The following TNFRSF4 variants were observed in gnomAD, a reference collection of about 807,000 sequenced individuals.
TNFRSF4 encodes tumor necrosis factor receptor superfamily member 4.
In TNFRSF4, 21 loss-of-function variants were observed where a neutral mutation model predicts 29.5. That is an observed-to-expected ratio of 0.71 (90% CI 0.51 to 1.03). TNFRSF4 has a LOEUF of 1.03. Among genes scored for constraint, TNFRSF4 ranks in the 50% least tolerant of loss-of-function variants. TNFRSF4 has a pLI of 0.00. For synonymous variants in TNFRSF4, 197 were observed against 172.7 expected (o/e 1.14, Z -1.10); for missense variants, 408 against 387.8 (o/e 1.05, Z -0.44).
chr1:1,213,831 C>A (rs755063382), intron 1 of TNFRSF4, 46 bp from the exon 2 acceptor site: 4 of 1,546,154 alleles, frequency 2.6e-6, no homozygotes, highest in South Asian at 1.2e-5. Context: ...CCCAGGCTTG[C>A]GCCCGTGGAC....
rs774777119 is a variant in TNFRSF4 at position 1,212,066 on chromosome 1, GT to G, written c.509del (p.Asp170AlafsTer?). The G allele has an allele frequency of 7.9e-5, 127 of 1,612,230 alleles. No individual in the cohort carries two copies. Among genetic ancestry groups the G allele is most frequent in the Non-Finnish European group, 1.0e-4 (121 of 1,179,636 alleles). On this transcript the variant is annotated frameshift_variant, in exon 5 of 7. Transcript: ENST00000379236. LOFTEE classifies it high-confidence loss of function. ...TCTCCTGGGGCTGCGTGGCTGGGGG[GT>G]CCCTGTCCTCACAGATTGCGTCCGA... ...NSSDAICEDR[D>X]PPATQPQETQ... is the part of the protein sequence containing the mutation.
At chr1:1,213,843 C>CCCCCAGG in intron 1 of TNFRSF4, 58 bp from the exon 2 acceptor site, 1 of 1,519,770 alleles carries the variant, frequency 6.6e-7, no homozygotes, top group East Asian at 2.4e-5. Context: ...CCCGTGGACC[C>CCCCCAGG]CCCCAGGCGG....
At chr1:1,213,256 C>G in intron 2 of TNFRSF4, 163 bp from the exon 3 acceptor site, 1 of 1,533,118 alleles carries the variant, frequency 6.5e-7, no homozygotes, top group Non-Finnish European at 8.7e-7. Flanking sequence ...GCCCCCGAGG[C>G]TCCTGGGCCC....
chr1:1,213,691 C>T lies in TNFRSF4; in HGVS notation c.240G>A (p.Pro80=), dbSNP rs751917443. ...GFYNDVVSSK[P]CKPCTWCNLR... ...GGTTACACCACGTGCAGGGCTTGCA[C>T]GGCTTGGAGCTGACCACGTCGTTGT... The change falls in exon 2 of 7, where the codon CCG becomes CCA. Residue 80 remains proline, a synonymous_variant. Transcript: ENST00000379236. 57 of 1,595,562 alleles carry T rather than the reference C, an allele frequency of 3.6e-5. No individual in the cohort carries two copies. The highest frequency in any genetic ancestry group is 2.3e-4 in the East Asian group (10 of 43,992).
chr1:1,213,648 C>T lies in TNFRSF4; in HGVS notation c.268+15G>A, dbSNP rs1649312306. On this transcript the variant is annotated intron_variant, in intron 2 of 6. Transcript: ENST00000379236. The stretch of plus-strand genomic sequence containing the variant: ...CCTGTGCTGGGTGGGGCTGTGGGGC[C>T]AGGTGGGAGCTCACTGAGGTTACAC... The T allele has an allele frequency of 1.3e-6, 2 of 1,577,122 alleles. No homozygotes were observed. The highest frequency in any genetic ancestry group is 1.8e-5 in the Admixed American group (1 of 54,748).
In TNFRSF4 at chr1:1,211,627, T is replaced by G; in HGVS notation, c.764-2A>C. 6.4e-7 allele frequency: 1 copy of G among 1,554,424 alleles called. No individual in the cohort carries two copies. Among genetic ancestry groups the G allele is most frequent in the Non-Finnish European group, 8.7e-7 (1 of 1,152,350 alleles). ...TGGGGGTCCGGAAACTGCCTCCCCC[T>G]GGGGAGGAAAAAAGGAGAGATTGGT... On this transcript the variant is annotated splice_acceptor_variant, in intron 6 of 6. Coordinates refer to ENST00000379236, the MANE Select transcript of TNFRSF4 (RefSeq NM_003327.4). LOFTEE classifies it high-confidence loss of function.
Position 1,212,011 on chromosome 1 carries a change from CA to C in TNFRSF4, c.564del (p.Val189SerfsTer?). The C allele has an allele frequency of 6.2e-7, 1 of 1,609,618 alleles. No homozygotes were observed. On this transcript the variant is annotated frameshift_variant, in exon 5 of 7. Coordinates refer to ENST00000379236, the MANE Select transcript of TNFRSF4 (RefSeq NM_003327.4). LOFTEE classifies it high-confidence loss of function. ...CTGGGCCAGGCTTCAGTGGGCTGGA[CA>C]GTGATGGGCCTGGCCGGGGGGCCCT... Reference protein sequence around the residue: ...ETQGPPARPITVQPTEAWPRT... With the variant: ...ETQGPPARPIXVQPTEAWPRT...
In TNFRSF4 at chr1:1,211,870, G is replaced by A. The variant is rs113490562; in HGVS notation, c.635-38C>T. 31 of 1,512,758 alleles carry A rather than the reference G, an allele frequency of 2.0e-5. No homozygotes were observed. In the African/African-American group the frequency reaches 2.2e-4, roughly 11 times the overall value. 93.7% of individuals were successfully genotyped at this position (1,512,758 alleles called of 1,614,324 possible). On this transcript the variant is annotated intron_variant, in intron 5 of 6. Coordinates refer to ENST00000379236, the MANE Select transcript of TNFRSF4 (RefSeq NM_003327.4). ...GTCTGCTGGGTGGGGTCCACAGGAG[G>A]GGCCCCCATGCCGCCCTCCCCTTCT...
At chr1:1,212,543 G>GGCCCC (rs2100952145) in intron 4 of TNFRSF4, 95 bp downstream of exon 4, 3 of 133,092 alleles carry the variant, frequency 2.3e-5, no homozygotes, top group Non-Finnish European at 3.9e-5. Context: ...CACCCCACCT[G>GGCCCC]CCCCCCCAGC....
chr1:1,213,366 G>A (rs772962091), intron 2 of TNFRSF4: 46 of 1,530,966 alleles, frequency 3.0e-5, no homozygotes, highest in Non-Finnish European at 7.9e-6. Flanking sequence ...CTGCGGCAGG[G>A]TCTCCATGGC....
At chr1:1,213,638 G>T (rs1395588815) in intron 2 of TNFRSF4, 25 bp downstream of exon 2, 2 of 1,567,694 alleles carry the variant, frequency 1.3e-6, no homozygotes, top group Admixed American at 1.9e-5. Context: ...GCTGGGTGGG[G>T]CTGTGGGGCC....
intron 4 of TNFRSF4, 61 bp downstream of exon 4, chr1:1,212,564 TCCCCAGCTCCTCC>T: frequency 5.1e-6 from 1 of 194,990 alleles, no homozygotes; most frequent in African/African-American, 1.2e-4. Flanking sequence ...CCCTCCCAGC[TCCCCAGCTCCTCC>T]GCCCTCCTAA....
At chr1:1,213,847 C>A (rs890007937) in intron 1 of TNFRSF4, 62 bp from the exon 2 acceptor site, 2 of 1,514,910 alleles carry the variant, frequency 1.3e-6, no homozygotes, top group East Asian at 2.4e-5. Context: ...TGGACCCCCC[C>A]AGGCGGCTCC....
intron 3 of TNFRSF4, 79 bp downstream of exon 3, chr1:1,212,913 C>T: frequency 2.8e-6 from 4 of 1,449,592 alleles, no homozygotes; most frequent in Non-Finnish European, 3.7e-6. Context: ...GGGCCAGGTC[C>T]CTGCGGCCCA....
chr1:1,212,623 G>A lies in TNFRSF4; in HGVS notation c.437+15C>T. ...CCCCCCCCAGCCCCTCCCAGCCCCT[G>A]GCCAGGCCCCTCACTTGGTCCAGGG... On this transcript the variant is annotated intron_variant, in intron 4 of 6. Coordinates refer to ENST00000379236, the MANE Select transcript of TNFRSF4 (RefSeq NM_003327.4). 7.1e-7 allele frequency: 1 copy of A among 1,405,846 alleles called. No individual in the cohort carries two copies. Among genetic ancestry groups the A allele is most frequent in the Non-Finnish European group, 9.4e-7 (1 of 1,059,970 alleles). The allele number at this position is 1,405,846 out of a possible 1,614,324, so 87.1% of individuals were successfully genotyped here.
chr1:1,212,594 C>T (rs1649206786), intron 4 of TNFRSF4, 44 bp downstream of exon 4: 3 of 1,119,058 alleles, frequency 2.7e-6, no homozygotes, highest in Non-Finnish European at 3.6e-6. Context: ...CTAACCACCC[C>T]AACCCCCCCC....
intron 4 of TNFRSF4, 42 bp downstream of exon 4, chr1:1,212,596 A>AAC: frequency 1.1e-4 from 89 of 845,228 alleles, no homozygotes; most frequent in Non-Finnish European, 1.3e-4. Flanking sequence ...AACCACCCCA[A>AAC]CCCCCCCCCA....
In TNFRSF4 at chr1:1,212,684, C is replaced by T. The variant is rs771330950; in HGVS notation, c.391G>A (p.Gly131Arg). 1 of 1,572,698 alleles carries T rather than the reference C, an allele frequency of 6.4e-7. No individual in the cohort carries two copies. Among genetic ancestry groups the T allele is most frequent in the Admixed American group, 1.8e-5 (1 of 55,478 alleles). ...PGVDCAPCPP[G>R]HFSPGDNQAC... Reference sequence around the variant, plus strand: ...TGGTTGTCGCCTGGGGAGAAGTGCCCTGGAGGGCAGGGGGCACAGTCTGCA... The same window carrying T: ...TGGTTGTCGCCTGGGGAGAAGTGCCTTGGAGGGCAGGGGGCACAGTCTGCA... Residue 131 changes from glycine to arginine, a missense_variant, in exon 4 of 7, where the codon GGG becomes AGG. By Grantham distance (125) the Gly-to-Arg change is moderately radical. Coordinates refer to ENST00000379236, the MANE Select transcript of TNFRSF4 (RefSeq NM_003327.4).
chr1:1,213,946 G>C (rs1278083444), intron 1 of TNFRSF4, 37 bp downstream of exon 1: 1 of 1,556,032 alleles, frequency 6.4e-7, no homozygotes, highest in East Asian at 2.3e-5. Flanking sequence ...CCAGTCCCTG[G>C]AGTGCCCGTG....
Sources: allele counts gnomAD v4.1 joint callset, GRCh38; gene constraint gnomAD v4.1.1; transcripts MANE v1.5; gene names NCBI Gene and HGNC (gene_info 2026-07-23, HGNC 2026-07-21).